The following FBXL13 variants were observed in gnomAD, a reference collection of about 807,000 sequenced individuals.
FBXL13 encodes the protein F-box and leucine rich repeat protein 13, also known as F-box and leucine-rich repeat protein 13.
A neutral mutation model predicts 83.6 loss-of-function variants in FBXL13; 67 were observed. That is an observed-to-expected ratio of 0.80 (90% CI 0.66 to 0.98). The LOEUF (loss-of-function observed/expected upper bound fraction) is 0.98. Ranked by LOEUF, FBXL13 falls within the 50% of genes least tolerant of loss-of-function variation. FBXL13 has a pLI of 0.00. For synonymous variants in FBXL13, 272 were observed against 299.5 expected (o/e 0.91, Z 0.95); for missense variants, 822 against 866.5 (o/e 0.95, Z 0.64).
At chr7:102,894,671 G>T (rs940538715) in intron 11 of FBXL13, among the ~76,000 whole-genome samples, 3 of 151,274 alleles carry the variant, frequency 2.0e-5, no homozygotes, top group African/African-American at 7.3e-5. Flanking sequence ...TGAGGCTACA[G>T]TGAGCTATGA....
intron 17 of FBXL13, among the ~76,000 whole-genome samples, chr7:102,841,352 C>G (rs1175909010): frequency 6.6e-6 from 1 of 151,952 alleles, no homozygotes; most frequent in East Asian, 1.9e-4. Context: ...GATTATCTTC[C>G]TTTTAACACA....
chr7:102,841,454 A>C (rs968190819), intron 17 of FBXL13, among the ~76,000 whole-genome samples: 12 of 152,192 alleles, frequency 7.9e-5, no homozygotes, highest in African/African-American at 2.9e-4. Flanking sequence ...CAGTTGTCTG[A>C]GAGTGGTTCT....
intron 11 of FBXL13, among the ~76,000 whole-genome samples, chr7:102,912,684 C>CCA (rs1554452560): frequency 8.7e-5 from 10 of 114,510 alleles, no homozygotes; most frequent in South Asian, 8.4e-4. Flanking sequence ...CCCCCCCCCC[C>CCA]AAAAAAAAAC....
chr7:103,020,180 C>A (rs1007982869), intron 6 of FBXL13, among the ~76,000 whole-genome samples: 1 of 152,142 alleles, frequency 6.6e-6, no homozygotes, highest in East Asian at 1.9e-4. Flanking sequence ...ATATGCAAAT[C>A]AATAAACATA....
At chr7:103,053,311 C>A (rs1377080868) in intron 2 of FBXL13, among the ~76,000 whole-genome samples, 2 of 151,788 alleles carry the variant, frequency 1.3e-5, no homozygotes, top group Admixed American at 6.6e-5. Flanking sequence ...CGCCACCATG[C>A]CCAACTAATT....
At chr7:103,031,647 C>T (rs1167984356) in intron 2 of FBXL13, among the ~76,000 whole-genome samples, 4 of 152,130 alleles carry the variant, frequency 2.6e-5, no homozygotes, top group Non-Finnish European at 5.9e-5. Flanking sequence ...ATGGACAGTG[C>T]ATCACAATAC....
intron 6 of FBXL13, among the ~76,000 whole-genome samples, chr7:103,024,857 A>ATTTTTTTTT (rs1209398568): frequency 1.6e-5 from 1 of 62,854 alleles, no homozygotes; most frequent in African/African-American, 9.0e-5. Flanking sequence ...ATATATATAT[A>ATTTTTTTTT]TTTTTTTTTT....
chr7:102,813,775 A>G (rs1455199019), intron 19 of FBXL13, among the ~76,000 whole-genome samples: 2 of 152,198 alleles, frequency 1.3e-5, no homozygotes, highest in Non-Finnish European at 2.9e-5. Context: ...TAAGGAAACT[A>G]CACATGGCCA....
At chr7:102,887,554 C>T (rs887153830) in intron 11 of FBXL13, among the ~76,000 whole-genome samples, 1 of 152,070 alleles carries the variant, frequency 6.6e-6, no homozygotes, top group African/African-American at 2.4e-5. Flanking sequence ...AATTGGTATA[C>T]CAGGCTGGTA....
chr7:102,985,001 G>A (rs762964758), intron 6 of FBXL13, among the ~76,000 whole-genome samples: 2 of 152,086 alleles, frequency 1.3e-5, no homozygotes, highest in Non-Finnish European at 2.9e-5. Flanking sequence ...TTATTTGCTA[G>A]TTCTGGCAAC....
upstream of FBXL13, chr7:103,074,743 T>A: frequency 1.6e-6 from 2 of 1,289,824 alleles, no homozygotes; most frequent in Non-Finnish European, 2.0e-6. Context: ...TTCTTCAGCC[T>A]CGGGTTGGCA....
chr7:103,020,008 A>G (rs914253720), intron 6 of FBXL13, among the ~76,000 whole-genome samples: 1 of 152,228 alleles, frequency 6.6e-6, no homozygotes, highest in Admixed American at 6.5e-5. Flanking sequence ...AAAGCCTGGC[A>G]GAGACACAAC....
intron 16 of FBXL13, among the ~76,000 whole-genome samples, chr7:102,859,770 A>G (rs1806541664): frequency 6.6e-6 from 1 of 152,206 alleles, no homozygotes; most frequent in African/African-American, 2.4e-5. Context: ...AGCCAAACTC[A>G]TGAATGCTTT....
intron 11 of FBXL13, 66 bp from the exon 13 acceptor site, chr7:102,884,378 T>C (rs1810514488): frequency 1.4e-5 from 16 of 1,138,490 alleles, no homozygotes; most frequent in Non-Finnish European, 2.0e-5. Context: ...AAGGGAGTAA[T>C]AACCAAAGAT....
chr7:102,824,075 G>A (rs1799210087), intron 18 of FBXL13, among the ~76,000 whole-genome samples: 1 of 152,178 alleles, frequency 6.6e-6, no homozygotes, highest in South Asian at 2.1e-4. Flanking sequence ...CTGAAAAGGA[G>A]CCTGACAGTT....
chr7:102,990,692 T>C (rs1829469713), intron 6 of FBXL13, among the ~76,000 whole-genome samples: 1 of 152,164 alleles, frequency 6.6e-6, no homozygotes, highest in South Asian at 2.1e-4. Context: ...AGGTAGCCTT[T>C]CTGGAAGAGA....
intron 14 of FBXL13, among the ~76,000 whole-genome samples, chr7:102,879,709 T>C (rs1372176770): frequency 6.6e-6 from 1 of 151,990 alleles, no homozygotes; most frequent in African/African-American, 2.4e-5. Context: ...TTTTGTATGT[T>C]TGTTTGTTTG....
intron 17 of FBXL13, among the ~76,000 whole-genome samples, chr7:102,839,760 T>G (rs1440964334): frequency 6.6e-6 from 1 of 152,206 alleles, no homozygotes; most frequent in Non-Finnish European, 1.5e-5. Flanking sequence ...AAAAATATTT[T>G]GAGCATACAC....
At chr7:102,849,381 C>T (rs376053052) in intron 17 of FBXL13, among the ~76,000 whole-genome samples, 1 of 152,144 alleles carries the variant, frequency 6.6e-6, no homozygotes, top group Admixed American at 6.5e-5. Flanking sequence ...GCTGTGGTTT[C>T]CACTAAACAC....
Sources: allele counts gnomAD v4.1 joint callset (sites outside exome capture counted in the v4.1 genomes callset), GRCh38; gene constraint gnomAD v4.1.1; transcripts MANE v1.5; gene names NCBI Gene and HGNC (gene_info 2026-07-23, HGNC 2026-07-21).